The following AGBL4 variants were observed in gnomAD, a reference collection of about 807,000 sequenced individuals.
AGBL4 encodes AGBL carboxypeptidase 4.
In AGBL4, 58 loss-of-function variants were observed where a neutral mutation model predicts 66.4. That is an observed-to-expected ratio of 0.87 (90% CI 0.71 to 1.09). The LOEUF is 1.09. AGBL4 is among the 50% of genes least tolerant of loss of function. The pLI is 0.00. For synonymous variants in AGBL4, 234 were observed against 222.9 expected (o/e 1.05, Z -0.44); for missense variants, 579 against 631.0 (o/e 0.92, Z 0.88).
At chr1:49,796,321 A>G (rs1644728611) in intron 2 of AGBL4, among the ~76,000 whole-genome samples, 1 of 151,836 alleles carries the variant, frequency 6.6e-6, no homozygotes, top group Non-Finnish European at 1.5e-5. Context: ...TTGAAATCAT[A>G]ATTACACTTC....
intron 3 of AGBL4, among the ~76,000 whole-genome samples, chr1:49,419,566 G>C (rs577864660): frequency 6.6e-6 from 1 of 152,218 alleles, no homozygotes; most frequent in East Asian, 1.9e-4. Context: ...CTCCCACGTA[G>C]GCATCTATTC....
chr1:49,312,271 G>A (rs2148462213), intron 3 of AGBL4, among the ~76,000 whole-genome samples: 1 of 152,138 alleles, frequency 6.6e-6, no homozygotes, highest in African/African-American at 2.4e-5. Flanking sequence ...TCTGCCATGT[G>A]AGGACACAAC....
chr1:49,291,313 A>T (rs1644529046), intron 3 of AGBL4, among the ~76,000 whole-genome samples: 1 of 152,214 alleles, frequency 6.6e-6, no homozygotes, highest in Non-Finnish European at 1.5e-5. Context: ...ACACTCTCCG[A>T]ATCATTTTAT....
chr1:49,235,679 G>A (rs1358086563), intron 4 of AGBL4, among the ~76,000 whole-genome samples: 1 of 152,134 alleles, frequency 6.6e-6, no homozygotes, highest in Non-Finnish European at 1.5e-5. Context: ...CACTTATAAG[G>A]GGAGCAGAAA....
intron 2 of AGBL4, chr1:49,846,249 A>G: frequency 6.8e-7 from 1 of 1,465,146 alleles, no homozygotes; most frequent in Non-Finnish European, 9.5e-7. Flanking sequence ...TATGAGTGTC[A>G]CGATTGTGGA....
intron 3 of AGBL4, among the ~76,000 whole-genome samples, chr1:49,596,976 A>T (rs955537388): frequency 7.9e-5 from 12 of 152,228 alleles, no homozygotes; most frequent in African/African-American, 2.9e-4. Context: ...CAGCTTTTAA[A>T]ATTGAAAACC....
chr1:49,230,831 C>T (rs1650256398), intron 4 of AGBL4, among the ~76,000 whole-genome samples: 1 of 152,146 alleles, frequency 6.6e-6, no homozygotes, highest in Admixed American at 6.5e-5. Flanking sequence ...TTCCTCCCCA[C>T]CTCCAACTCC....
Position 49,129,454 on chromosome 1 carries a change from C to T in AGBL4, c.378-83654G>A, listed in dbSNP as rs553366004. ...CATTAGGTATATCTCCTAATGCTAT[C>T]CCTCCCACCTCCCCCAACCCCACAA... On this transcript the variant is annotated intron_variant, in intron 4 of 13. Coordinates refer to ENST00000371839, the MANE Select transcript of AGBL4 (RefSeq NM_032785.4). 1.7e-4 allele frequency among the ~76,000 whole-genome samples: 26 copies of T among 150,212 alleles called. 1 individual carries two copies. The South Asian group carries it at 5.3e-3, about 31-fold the overall frequency.
chr1:49,233,298 TA>T (rs1160145149), intron 4 of AGBL4, among the ~76,000 whole-genome samples: 1 of 152,244 alleles, frequency 6.6e-6, no homozygotes, highest in Non-Finnish European at 1.5e-5. Flanking sequence ...CTGATTTAAT[TA>T]TCATGCTTAA....
chr1:49,773,472 A>G (rs952008028), intron 2 of AGBL4, among the ~76,000 whole-genome samples: 3 of 152,138 alleles, frequency 2.0e-5, no homozygotes, highest in African/African-American at 7.2e-5. Flanking sequence ...TAGGGTGTCA[A>G]CCGGAAACAC....
At chr1:49,739,056 A>G (rs1331537581) in intron 2 of AGBL4, among the ~76,000 whole-genome samples, 2 of 152,216 alleles carry the variant, frequency 1.3e-5, no homozygotes, top group Non-Finnish European at 1.5e-5. Context: ...CTGGATGGAG[A>G]ATGACTTTGA....
intron 1 of AGBL4, chr1:49,995,555 T>C (rs1389090034): frequency 3.3e-6 from 1 of 305,952 alleles, no homozygotes; most frequent in Non-Finnish European, 6.5e-6. Flanking sequence ...AAGGTCTCTC[T>C]CTACCTGCCC....
chr1:48,619,734 A>T (rs1053319534), intron 9 of AGBL4, among the ~76,000 whole-genome samples: 6 of 152,192 alleles, frequency 3.9e-5, no homozygotes, highest in Non-Finnish European at 7.4e-5. Context: ...GAGTCTGCAT[A>T]GGTGGTGCCA....
At chr1:49,987,796 A>G (rs1372827500) in intron 1 of AGBL4, among the ~76,000 whole-genome samples, 1 of 151,992 alleles carries the variant, frequency 6.6e-6, no homozygotes, top group Non-Finnish European at 1.5e-5. Flanking sequence ...ATACATCTAC[A>G]TTGTGTTTAC....
intron 3 of AGBL4, among the ~76,000 whole-genome samples, chr1:49,561,877 T>C (rs932748351): frequency 1.6e-4 from 24 of 152,086 alleles, no homozygotes; most frequent in African/African-American, 4.6e-4. Flanking sequence ...CCTGAGGAAT[T>C]GCCACACTGA....
Position 48,533,909 on chromosome 1 carries a change from CTATGTTG to C in AGBL4, c.*257_*263del. Reference sequence around the variant, plus strand: ...AGGTTTTCCTCATCTTGGAAGATCTCTATGTTGTAGAAAATAGCATCTGTGCTCACCT... The same window carrying C: ...AGGTTTTCCTCATCTTGGAAGATCTCTAGAAAATAGCATCTGTGCTCACCT... On this transcript the variant is annotated 3_prime_UTR_variant, in exon 14 of 14. Transcript: ENST00000371839. 2.1e-6 allele frequency: 1 copy of C among 483,352 alleles called. No homozygotes were observed. Among genetic ancestry groups the C allele is most frequent in the Non-Finnish European group, 3.8e-6 (1 of 265,764 alleles). 29.9% of individuals were successfully genotyped at this position (483,352 alleles called of 1,614,324 possible).
intron 8 of AGBL4, among the ~76,000 whole-genome samples, chr1:48,637,089 AT>A (rs1645678940): frequency 6.6e-6 from 1 of 152,246 alleles, no homozygotes; most frequent in African/African-American, 2.4e-5. Context: ...ATATCCATTT[AT>A]AATGCAGGAC....
chr1:48,920,272 A>G (rs1437207582), intron 5 of AGBL4, among the ~76,000 whole-genome samples: 1 of 152,180 alleles, frequency 6.6e-6, no homozygotes, highest in African/African-American at 2.4e-5. Context: ...CAAGATAAAA[A>G]GTGGGGACTG....
chr1:49,302,878 T>G (rs1010461771), intron 3 of AGBL4, among the ~76,000 whole-genome samples: 1 of 151,906 alleles, frequency 6.6e-6, no homozygotes. Flanking sequence ...TGTGTTCTCA[T>G]TGTTCAGCTC....
Sources: gnomAD v4.1 joint callset for allele counts (sites outside exome capture counted in the v4.1 genomes callset) on GRCh38, gnomAD v4.1.1 for gene constraint, MANE v1.5 for transcripts, NCBI Gene and HGNC (gene_info 2026-07-23, HGNC 2026-07-21) for gene names.